The following CBLB variants were observed in gnomAD, a reference collection of about 807,000 sequenced individuals.
The protein encoded by CBLB is Cbl proto-oncogene B.
In CBLB, 31 loss-of-function variants were observed where a neutral mutation model predicts 104.9. That is an observed-to-expected ratio of 0.30 (90% CI 0.22 to 0.40). The LOEUF (loss-of-function observed/expected upper bound fraction) is 0.40. Among genes scored for constraint, CBLB ranks in the 10% least tolerant of loss-of-function variants. CBLB has a pLI of 1.00. For synonymous variants in CBLB, 440 were observed against 422.6 expected, an observed-to-expected ratio of 1.04 and a Z score of -0.51; for missense variants, 1,062 against 1,214.6, an observed-to-expected ratio of 0.87 and a Z score of 1.87.
In CBLB at chr3:105,658,565, G is replaced by GCAGACCT; in HGVS notation, c.*398_*404dup. 3.7e-6 allele frequency: 1 copy of GCAGACCT among 272,030 alleles called. No homozygotes were observed. Among genetic ancestry groups the GCAGACCT allele is most frequent in the Non-Finnish European group, 7.1e-6 (1 of 140,812 alleles). 16.9% of individuals were successfully genotyped at this position (272,030 alleles called of 1,614,324 possible). A position where few individuals can be genotyped will look rare whatever the true frequency, so the allele number is the denominator to read the frequency against. On this transcript the variant is annotated 3_prime_UTR_variant, in exon 19 of 19. Transcript: ENST00000394030. ...AAGAGAGTTGGTGGGAAATGTTACA[G>GCAGACCT]CAGACCTGACCACGCTACAAAGGGT...
At chr3:105,670,506 C>A in intron 17 of CBLB, 154 bp from the exon 18 acceptor site, 1 of 628,342 alleles carries the variant, frequency 1.6e-6, no homozygotes. Context: ...TTACTGCCTG[C>A]ATATTTTCTA....
At chr3:105,849,764 C>T (rs2090716643) in intron 3 of CBLB, among the ~76,000 whole-genome samples, 1 of 151,928 alleles carries the variant, frequency 6.6e-6, no homozygotes, top group African/African-American at 2.4e-5. Flanking sequence ...TACTGATACC[C>T]TAAAGAGTAA....
At chr3:105,740,892 A>AT (rs977686457) in intron 6 of CBLB, among the ~76,000 whole-genome samples, 4 of 152,072 alleles carry the variant, frequency 2.6e-5, no homozygotes, top group South Asian at 2.1e-4. Flanking sequence ...TAAACTAGGG[A>AT]TTTTTTTACC....
chr3:105,859,734 G>T (rs2091943396), intron 2 of CBLB, among the ~76,000 whole-genome samples: 1 of 150,886 alleles, frequency 6.6e-6, no homozygotes. Flanking sequence ...TTATTACAGT[G>T]ACCTAAAGTA....
At chr3:105,742,554 T>C (rs1277857975) in intron 6 of CBLB, among the ~76,000 whole-genome samples, 1 of 152,050 alleles carries the variant, frequency 6.6e-6, no homozygotes, top group African/African-American at 2.4e-5. Context: ...CAAAATCAGA[T>C]AAAATAATGC....
chr3:105,737,189 G>T lies in CBLB; in HGVS notation c.1053C>A (p.Asp351Glu). Reference protein sequence around the residue: ...LTGLCEPTPHDHIKVTQEQYE... With the variant: ...LTGLCEPTPHEHIKVTQEQYE... Reference sequence around the variant, plus strand: ...TCCTTACCTGTGTAACTTTTATATGGTCATGAGGTGTAGGTTCACATAATC... The same window carrying T: ...TCCTTACCTGTGTAACTTTTATATGTTCATGAGGTGTAGGTTCACATAATC... The change falls in exon 8 of 19, where the codon GAC becomes GAA. Residue 351 changes from aspartate to glutamate, a missense_variant. By Grantham distance (45) the Asp-to-Glu change is conservative. This residue lies in a region of CBLB where 457 missense variants were observed against 632.0 expected (regional missense o/e 0.72). Coordinates refer to ENST00000394030, the MANE Select transcript of CBLB (RefSeq NM_170662.5). 6.4e-7 allele frequency: 1 copy of T among 1,573,224 alleles called. No individual in the cohort carries two copies. Among genetic ancestry groups the T allele is most frequent in the Non-Finnish European group, 8.7e-7 (1 of 1,145,774 alleles).
chr3:105,805,833 T>G (rs1460408055), intron 3 of CBLB, among the ~76,000 whole-genome samples: 1 of 152,040 alleles, frequency 6.6e-6, no homozygotes, highest in Admixed American at 6.6e-5. Context: ...AGTAGGACAT[T>G]AATTCTTTTA....
chr3:105,729,464 C>T (rs1249850893), intron 9 of CBLB, among the ~76,000 whole-genome samples: 1 of 152,036 alleles, frequency 6.6e-6, no homozygotes, highest in African/African-American at 2.4e-5. Context: ...ACAAATTCTT[C>T]CTGTGCACAG....
intron 3 of CBLB, among the ~76,000 whole-genome samples, chr3:105,846,505 G>C (rs1474219813): frequency 6.6e-6 from 1 of 152,026 alleles, no homozygotes; most frequent in Non-Finnish European, 1.5e-5. Context: ...GACTGAGGTA[G>C]CAACAGTAGC....
chr3:105,738,950 C>T (rs78027567), intron 7 of CBLB, among the ~76,000 whole-genome samples: 3,413 of 152,306 alleles, frequency 0.022, 90 homozygotes, highest in East Asian at 0.12. Flanking sequence ...CACTCTGATG[C>T]ACAGGCTGGA....
At chr3:105,721,516 A>T (rs3772528) in intron 9 of CBLB, among the ~76,000 whole-genome samples, 23,993 of 152,176 alleles carry the variant, frequency 0.16, 2,108 homozygotes, top group Middle Eastern at 0.3. Flanking sequence ...AGCTTGCTTA[A>T]GAAAAATCAA....
At chr3:105,840,811 T>G (rs905552612) in intron 3 of CBLB, among the ~76,000 whole-genome samples, 3 of 151,842 alleles carry the variant, frequency 2.0e-5, no homozygotes, top group Non-Finnish European at 4.4e-5. Context: ...AAACCAATTA[T>G]TTGGGTCTAA....
intron 4 of CBLB, among the ~76,000 whole-genome samples, chr3:105,773,554 G>A (rs939471598): frequency 2.0e-5 from 3 of 152,100 alleles, no homozygotes; most frequent in Admixed American, 1.3e-4. Context: ...TACCTGACTC[G>A]CTAAGAAAAA....
Position 105,720,269 on chromosome 3 carries a change from C to T in CBLB, c.1204-19G>A, listed in dbSNP as rs770966312. On this transcript the variant is annotated intron_variant, in intron 9 of 18. Transcript: ENST00000394030. Reference sequence around the variant, plus strand: ...CCGACTCCTAAACAAATAGAAAATGCATGGATTGGTTTTGTTCAAAATAAA... The same window carrying T: ...CCGACTCCTAAACAAATAGAAAATGTATGGATTGGTTTTGTTCAAAATAAA... 9.4e-6 allele frequency: 15 copies of T among 1,594,992 alleles called. No individual in the cohort carries two copies. In the East Asian group the frequency reaches 3.4e-4, roughly 36 times the overall value.
intron 3 of CBLB, among the ~76,000 whole-genome samples, chr3:105,846,028 T>C (rs1240518371): frequency 6.6e-6 from 1 of 152,072 alleles, no homozygotes; most frequent in African/African-American, 2.4e-5. Context: ...AATTATTATT[T>C]TGAAGTATCA....
intron 11 of CBLB, among the ~76,000 whole-genome samples, chr3:105,702,901 G>T (rs892474200): frequency 3.9e-5 from 6 of 152,050 alleles, no homozygotes; most frequent in African/African-American, 1.4e-4. Context: ...AAGATTAAAA[G>T]CTTTTTCTTT....
intron 3 of CBLB, among the ~76,000 whole-genome samples, chr3:105,839,739 AC>A (rs1276825728): frequency 6.6e-6 from 1 of 152,280 alleles, no homozygotes; most frequent in African/African-American, 2.4e-5. Context: ...AGAAGGAAAT[AC>A]AACCTGGATT....
intron 2 of CBLB, among the ~76,000 whole-genome samples, chr3:105,858,872 A>T (rs560168088): frequency 6.6e-6 from 1 of 152,276 alleles, no homozygotes; most frequent in East Asian, 1.9e-4. Flanking sequence ...TATTAGAAAT[A>T]TTTAAGGAGA....
At chr3:105,801,904 T>G (rs1255324600) in intron 3 of CBLB, among the ~76,000 whole-genome samples, 2 of 152,198 alleles carry the variant, frequency 1.3e-5, no homozygotes, top group Admixed American at 1.3e-4. Context: ...TCCTGAAAGA[T>G]CCACAGGATG....
Sources: gnomAD v4.1 joint callset for allele counts (sites outside exome capture counted in the v4.1 genomes callset) on GRCh38, gnomAD v4.1.1 for gene constraint, gnomAD v4.1.1 regional missense constraint, MANE v1.5 for transcripts, NCBI Gene and HGNC (gene_info 2026-07-23, HGNC 2026-07-21) for gene names.